SIN3B: variants seen among roughly 807,000 people sequenced by gnomAD.
The protein encoded by SIN3B is paired amphipathic helix protein Sin3b.
A neutral mutation model predicts 120.2 loss-of-function variants in SIN3B; 19 were observed. The ratio of observed to expected loss-of-function variants is 0.16; its 90% CI spans 0.11 to 0.23. The LOEUF (loss-of-function observed/expected upper bound fraction) is 0.23. Ranked by LOEUF, SIN3B falls within the 10% of genes least tolerant of loss-of-function variation. SIN3B has a pLI of 1.00. For synonymous variants in SIN3B, 654 were observed against 653.2 expected, an observed-to-expected ratio of 1.00 and a Z score of -0.02; for missense variants, 1,073 against 1,573.0, an observed-to-expected ratio of 0.68 and a Z score of 5.38.
At chr19:16,872,960 G>T (rs941815653) in intron 14 of SIN3B, among the ~76,000 whole-genome samples, 1 of 152,164 alleles carries the variant, frequency 6.6e-6, no homozygotes, top group Admixed American at 6.5e-5. Context: ...TGCGGTGGCC[G>T]TCTATGTACA....
intron 4 of SIN3B, among the ~76,000 whole-genome samples, chr19:16,843,628 G>T (rs1044509801): frequency 3.9e-5 from 6 of 152,186 alleles, no homozygotes; most frequent in African/African-American, 1.4e-4. Context: ...GCTCTGTTCT[G>T]TGGCAAAGGA....
At chr19:16,843,055 G>A (rs971365666) in intron 4 of SIN3B, among the ~76,000 whole-genome samples, 2 of 152,292 alleles carry the variant, frequency 1.3e-5, no homozygotes, top group Non-Finnish European at 2.9e-5. Context: ...TCACCCAGAC[G>A]TGGAGTCTCT....
chr19:16,850,256 T>G (rs1971527912), intron 5 of SIN3B, among the ~76,000 whole-genome samples: 1 of 151,850 alleles, frequency 6.6e-6, no homozygotes, highest in Non-Finnish European at 1.5e-5. Flanking sequence ...TTAGCAAGAG[T>G]ATCAAATTTT....
chr19:16,851,437 TGCACAGCGTGCAGAAGAACGA>T lies in SIN3B; in HGVS notation c.757_777del (p.Ser253_His259del). On this transcript the variant is annotated inframe_deletion, in exon 6 of 19. Transcript: ENST00000248054. ...TTCACAGGAAACGGGCCGTGCGAGATGCACAGCGTGCAGAAGAACGAGCACGACAAGACCCCGGAGCACAGC... is the reference window on the plus strand; with the variant it reads ...TTCACAGGAAACGGGCCGTGCGAGATGCACGACAAGACCCCGGAGCACAGC... 1 of 1,607,116 alleles carries T rather than the reference TGCACAGCGTGCAGAAGAACGA, an allele frequency of 6.2e-7. No individual in the cohort carries two copies. Among genetic ancestry groups the T allele is most frequent in the East Asian group, 2.3e-5 (1 of 44,288 alleles).
At chr19:16,864,491 A>AGTT (rs60261114) in intron 10 of SIN3B, among the ~76,000 whole-genome samples, 116,477 of 150,464 alleles carry the variant, frequency 0.77, 45,265 homozygotes, top group Middle Eastern at 0.85. Flanking sequence ...ACCATGCCCA[A>AGTT]GTTGTTTTTT....
intron 17 of SIN3B, 67 bp from the exon 18 acceptor site, chr19:16,878,116 C>A: frequency 7.3e-7 from 1 of 1,371,340 alleles, no homozygotes; most frequent in Non-Finnish European, 9.8e-7. Flanking sequence ...TGGGGGTTTC[C>A]CAGCCTGCAA....
intron 5 of SIN3B, among the ~76,000 whole-genome samples, chr19:16,849,653 TTG>T (rs1971520128): frequency 6.6e-6 from 1 of 152,198 alleles, no homozygotes; most frequent in Admixed American, 6.5e-5. Context: ...ATGTGAACTG[TTG>T]GGGAAGATCT....
At position 16,876,569 on chromosome 19, in the gene SIN3B, G is replaced by A. The variant is rs541340049; in HGVS notation, c.2850G>A (p.Val950=). Reference sequence around the variant, plus strand: ...AGGAGGCCCAGACGGAGGACCCTGTGGAGGTCCAGGTGAGGCCCTGGCCCC... The same window carrying A: ...AGGAGGCCCAGACGGAGGACCCTGTAGAGGTCCAGGTGAGGCCCTGGCCCC... ...DTEEAQTEDP[V]EVQHLARYVE... The change falls in exon 16 of 19, where the codon GTG becomes GTA. Residue 950 remains valine, a synonymous_variant. Transcript: ENST00000248054. This position sits in a 1 kb window ranked among gnomAD's most constrained non-coding sequence, Gnocchi z 7.1. The A allele has an allele frequency of 9.3e-6, 15 of 1,612,936 alleles. No individual in the cohort carries two copies. The highest frequency in any genetic ancestry group is 3.3e-4 in the Middle Eastern group (2 of 6,062).
chr19:16,829,761 G>A (rs112434999), intron 1 of SIN3B, 30 bp from the exon 2 acceptor site: 1 of 1,570,462 alleles, frequency 6.4e-7, no homozygotes, highest in Non-Finnish European at 8.8e-7. Flanking sequence ...CCGCGGCCAG[G>A]GCCCACCGGG....
chr19:16,870,063 C>T lies in SIN3B; in HGVS notation c.2410C>T (p.Leu804=), dbSNP rs751215138. The part of the protein sequence containing the change: ...KGSDPAMELR[L]KQPSEVELEE... ...CAGCGACCCCGCCATGGAGCTGCGG[C>T]TGAAGCAGCCCAGTAAGGCTCCAAA... is the stretch of plus-strand genomic sequence containing the variant. Residue 804 remains leucine (L), a synonymous_variant, in exon 13 of 19, where the codon CTG becomes TTG. Transcript: ENST00000248054. 6.2e-7 allele frequency: 1 copy of T among 1,600,500 alleles called. No individual in the cohort carries two copies. Among genetic ancestry groups the T allele is most frequent in the Non-Finnish European group, 8.5e-7 (1 of 1,173,276 alleles).
rs753729355 is a variant in SIN3B, at chr19:16,851,463, G to A, written c.778G>A (p.Asp260Asn). 12 of 1,610,190 alleles carry A rather than the reference G, an allele frequency of 7.5e-6. No individual in the cohort carries two copies. Among genetic ancestry groups the A allele is most frequent in the South Asian group, 3.3e-5 (3 of 90,172 alleles). ...EMHSVQKNEH[D>N]KTPEHSRKRS... ...GCACAGCGTGCAGAAGAACGAGCAC[G>A]ACAAGACCCCGGAGCACAGCAGGAA... is the stretch of plus-strand genomic sequence containing the variant. Residue 260 changes from aspartate to asparagine, a missense_variant, in exon 6 of 19, where the codon GAC becomes AAC. By Grantham distance (23) the Asp-to-Asn change is conservative. Transcript: ENST00000248054.
intron 14 of SIN3B, among the ~76,000 whole-genome samples, chr19:16,874,455 CT>C (rs1045405933): frequency 2.2e-4 from 33 of 147,742 alleles, no homozygotes; most frequent in Admixed American, 1.8e-3. Flanking sequence ...TTGGTCTGGT[CT>C]GGTTTTGGTC....
chr19:16,858,001 C>T (rs538387986), intron 8 of SIN3B, among the ~76,000 whole-genome samples: 7 of 152,276 alleles, frequency 4.6e-5, no homozygotes, highest in South Asian at 4.1e-4. Context: ...CTCAGCCTCT[C>T]GAGTAGCTGG....
intron 8 of SIN3B, among the ~76,000 whole-genome samples, chr19:16,857,006 C>G (rs1971624824): frequency 6.6e-6 from 1 of 152,152 alleles, no homozygotes; most frequent in African/African-American, 2.4e-5. Flanking sequence ...AGCGTTCACC[C>G]CAAGATAACT....
chr19:16,858,311 C>T (rs1176083485), intron 8 of SIN3B, among the ~76,000 whole-genome samples: 2 of 152,104 alleles, frequency 1.3e-5, no homozygotes, highest in East Asian at 3.8e-4. Flanking sequence ...TATTAGCCTC[C>T]CAGGTTTGCT....
chr19:16,831,270 C>CCAGTCTGGTCTCGAACTT (rs1427566802), intron 2 of SIN3B, among the ~76,000 whole-genome samples: 1 of 151,994 alleles, frequency 6.6e-6, no homozygotes, highest in Non-Finnish European at 1.5e-5. Flanking sequence ...ACCATGTTGA[C>CCAGTCTGGTCTCGAACTT]CAGTCTGGTC....
At chr19:16,872,475 CT>C (rs1696664524) in intron 14 of SIN3B, 1 of 150,840 alleles carries the variant, frequency 6.6e-6, no homozygotes, top group South Asian at 2.1e-4. Flanking sequence ...CAGAGTTTTG[CT>C]CTTGTCTCCC....
chr19:16,875,806 G>C (rs1165470916), intron 14 of SIN3B: 27 of 551,462 alleles, frequency 4.9e-5, no homozygotes, highest in Non-Finnish European at 8.3e-5. Context: ...GGTCTGGTCT[G>C]TTTGGTCTGG....
chr19:16,839,699 C>T (rs528458487), intron 3 of SIN3B, among the ~76,000 whole-genome samples: 1 of 152,254 alleles, frequency 6.6e-6, no homozygotes, highest in Non-Finnish European at 1.5e-5. Context: ...GAGAATCATT[C>T]CGGACATCCC....
Sources: allele counts gnomAD v4.1 joint callset (sites outside exome capture counted in the v4.1 genomes callset), GRCh38; gene constraint gnomAD v4.1.1; non-coding constraint Gnocchi (gnomAD v3.1); transcripts MANE v1.5; gene names NCBI Gene and HGNC (gene_info 2026-07-23, HGNC 2026-07-21).